Variants in RGS6 observed in about 807,000 individuals in gnomAD.
RGS6 encodes regulator of G protein signaling 6.
RGS6 carries 30 observed loss-of-function variants against 78.5 expected under a neutral mutation model. That is an observed-to-expected ratio of 0.38 (90% confidence interval 0.29 to 0.52). RGS6 has a LOEUF of 0.52. RGS6 is among the 20% of genes least tolerant of loss of function. RGS6 has a pLI of 0.85. For missense variants in RGS6, 495 were observed against 609.7 expected, an observed-to-expected ratio of 0.81 and a Z score of 1.98; for synonymous variants, 206 against 206.0, an observed-to-expected ratio of 1.00 and a Z score of 0.00.
At chr14:72,293,297 T>G (rs1196780508) in intron 2 of RGS6, among the ~76,000 whole-genome samples, 1 of 152,234 alleles carries the variant, frequency 6.6e-6, no homozygotes, top group Non-Finnish European at 1.5e-5. Context: ...ATAGTCCCTC[T>G]GCATGTTGAA....
chr14:72,032,392 G>A (rs903133009), intron 2 of RGS6, among the ~76,000 whole-genome samples: 1 of 152,014 alleles, frequency 6.6e-6, no homozygotes, highest in Non-Finnish European at 1.5e-5. Flanking sequence ...AATATTTTTA[G>A]CACTGTAATT....
At chr14:72,171,144 GCACACA>G (rs2097009981) in intron 2 of RGS6, among the ~76,000 whole-genome samples, 1 of 151,896 alleles carries the variant, frequency 6.6e-6, no homozygotes, top group African/African-American at 2.4e-5. Flanking sequence ...ACACATACAT[GCACACA>G]CATACATGCA....
intron 3 of RGS6, among the ~76,000 whole-genome samples, chr14:72,359,533 C>T (rs1220829164): frequency 6.6e-6 from 1 of 152,084 alleles, no homozygotes; most frequent in Non-Finnish European, 1.5e-5. Context: ...GTGCTGGGTT[C>T]ATAAGCCATC....
At position 72,376,042 on chromosome 14, in the gene RGS6, C is replaced by G. The variant is rs111502468; in HGVS notation, c.184+23848C>G. On this transcript the variant is annotated intron_variant, in intron 3 of 17. Transcript: ENST00000553525. ...AATCATAAGGAAATAAATGAAATGA[C>G]AGAAAAAGAATTCAAAATAATAATT... Among the ~76,000 whole-genome samples, 1,175 of 152,008 alleles carry G rather than the reference C, an allele frequency of 7.7e-3. 6 individuals carry two copies. Among genetic ancestry groups the G allele is most frequent in the South Asian group, 0.021 (100 of 4,814 alleles).
At chr14:71,890,175 C>T in the RGS6 span, among the ~76,000 whole-genome samples, 21 of 152,248 alleles carry the variant, frequency 1.4e-4, no homozygotes, top group African/African-American at 4.6e-4. Context: ...CAGACTAACA[C>T]ACCAAGTTTC....
chr14:72,444,891 A>AGACCCCAGGTTCG (rs1455260394), intron 3 of RGS6, among the ~76,000 whole-genome samples: 1 of 15,606 alleles, frequency 6.4e-5, no homozygotes, highest in African/African-American at 2.0e-4. Flanking sequence ...CCACGTCAGA[A>AGACCCCAGGTTCG]TGACTCAGAG....
At chr14:72,170,968 A>G (rs966967212) in intron 2 of RGS6, among the ~76,000 whole-genome samples, 1 of 152,250 alleles carries the variant, frequency 6.6e-6, no homozygotes, top group Non-Finnish European at 1.5e-5. Flanking sequence ...CAGAGCCAGT[A>G]TCTTAAAACC....
At chr14:72,213,994 G>A (rs1250857212) in intron 2 of RGS6, among the ~76,000 whole-genome samples, 1 of 152,108 alleles carries the variant, frequency 6.6e-6, no homozygotes, top group Non-Finnish European at 1.5e-5. Flanking sequence ...GTAGTTGTCA[G>A]TGAGGCCAAT....
the RGS6 span, chr14:72,612,435 T>G: frequency 5.8e-6 from 3 of 516,480 alleles, no homozygotes; most frequent in South Asian, 1.4e-5. Flanking sequence ...CTGTCCTTTT[T>G]TTTTTTCTAG....
the RGS6 span, among the ~76,000 whole-genome samples, chr14:71,898,740 T>C: frequency 6.6e-6 from 1 of 151,878 alleles, no homozygotes; most frequent in East Asian, 1.9e-4. Flanking sequence ...ATTGTTCAAC[T>C]CCCACTTAGT....
chr14:72,258,777 G>A (rs2057564070), intron 2 of RGS6, among the ~76,000 whole-genome samples: 1 of 152,160 alleles, frequency 6.6e-6, no homozygotes, highest in African/African-American at 2.4e-5. Context: ...GTGGACCTGT[G>A]GGTTTGTATG....
At chr14:72,368,261 G>A (rs182309557) in intron 3 of RGS6, among the ~76,000 whole-genome samples, 43 of 152,122 alleles carry the variant, frequency 2.8e-4, no homozygotes, top group African/African-American at 1.0e-3. Context: ...CCCACTCCTT[G>A]GATAGCTAAC....
chr14:72,514,262 T>A (rs2096913612), intron 14 of RGS6, among the ~76,000 whole-genome samples: 1 of 152,166 alleles, frequency 6.6e-6, no homozygotes, highest in Non-Finnish European at 1.5e-5. Context: ...CACTTTCTTC[T>A]CTCCTGGAGT....
chr14:72,462,423 G>GT (rs2095805034), intron 6 of RGS6, among the ~76,000 whole-genome samples: 1 of 152,118 alleles, frequency 6.6e-6, no homozygotes, highest in East Asian at 1.9e-4. Context: ...ACTTTCCCAA[G>GT]TTTTTTCCCT....
chr14:72,603,620 A>C, the RGS6 span, among the ~76,000 whole-genome samples: 9 of 152,218 alleles, frequency 5.9e-5, no homozygotes, highest in Non-Finnish European at 1.3e-4. Context: ...CGTGCCCTCA[A>C]AGAGCTAGTC....
chr14:71,983,166 G>T (rs1214361746), intron 2 of RGS6, among the ~76,000 whole-genome samples: 1 of 152,188 alleles, frequency 6.6e-6, no homozygotes, highest in African/African-American at 2.4e-5. Flanking sequence ...AGGATAAGTG[G>T]TTGGGTTAGT....
At chr14:72,345,542 G>T (rs554291913) in intron 2 of RGS6, among the ~76,000 whole-genome samples, 2 of 152,198 alleles carry the variant, frequency 1.3e-5, no homozygotes, top group Admixed American at 6.5e-5. Flanking sequence ...GAAGGGAGCC[G>T]TGATGGTTTT....
Position 72,070,583 on chromosome 14 carries a change from T to G in RGS6, c.84+105708T>G, listed in dbSNP as rs530100685. Among the ~76,000 whole-genome samples, 572 of 152,326 alleles carry G rather than the reference T, an allele frequency of 3.8e-3. 1 individual carries two copies. The highest frequency in any genetic ancestry group is 0.013 in the African/African-American group (559 of 41,570). ...ATGAGATCCTTTTAGCCATCCTATCTTTGGCAGGCCCTGGGCTTTGTTTCA... is the reference window on the plus strand; with the variant it reads ...ATGAGATCCTTTTAGCCATCCTATCGTTGGCAGGCCCTGGGCTTTGTTTCA... On this transcript the variant is annotated intron_variant, in intron 2 of 17. Transcript: ENST00000553525.
At position 71,985,933 on chromosome 14, in the gene RGS6, G is replaced by A. The variant is rs555781444; in HGVS notation, c.84+21058G>A. Reference sequence around the variant, plus strand: ...CCTGCCTGCACCACCTCTGCCTACAGTTTAACCATGGGGTTGCTTCTTATA... The same window carrying A: ...CCTGCCTGCACCACCTCTGCCTACAATTTAACCATGGGGTTGCTTCTTATA... On this transcript the variant is annotated intron_variant, in intron 2 of 17. Transcript: ENST00000553525. 5.3e-5 allele frequency among the ~76,000 whole-genome samples: 8 copies of A among 152,316 alleles called. 1 individual carries two copies. The East Asian group carries it at 9.6e-4, about 18-fold the overall frequency.
Sources: allele counts gnomAD v4.1 joint callset (sites outside exome capture counted in the v4.1 genomes callset), GRCh38; gene constraint gnomAD v4.1.1; transcripts MANE v1.5; gene names NCBI Gene and HGNC (gene_info 2026-07-23, HGNC 2026-07-21).